Variants in ERG observed in about 807,000 individuals in gnomAD.
ERG encodes the protein transcriptional regulator ERG.
Under a neutral mutation model 55.3 loss-of-function variants are expected in ERG, and 9 were observed. That is an observed-to-expected ratio of 0.16 (90% CI 0.10 to 0.28). ERG has a LOEUF of 0.28. Ranked by LOEUF, ERG falls within the 10% of genes least tolerant of loss-of-function variation. The pLI is 1.00. For synonymous variants in ERG, 223 were observed against 237.3 expected (o/e 0.94, Z 0.55); for missense variants, 434 against 631.6 (o/e 0.69, Z 3.35).
intron 9 of ERG, among the ~76,000 whole-genome samples, chr21:38,388,819 T>C (rs1191560263): frequency 6.6e-6 from 1 of 152,150 alleles, no homozygotes; most frequent in African/African-American, 2.4e-5. Flanking sequence ...CAGGTCCCTC[T>C]ATCTACAAAG....
At chr21:38,617,157 T>C (rs1214287506) in intron 1 of ERG, among the ~76,000 whole-genome samples, 2 of 152,210 alleles carry the variant, frequency 1.3e-5, no homozygotes, top group Non-Finnish European at 1.5e-5. Context: ...TATTCCCTCA[T>C]GAATTTTGAC....
At chr21:38,574,382 T>C (rs962310988) in intron 2 of ERG, among the ~76,000 whole-genome samples, 10 of 152,168 alleles carry the variant, frequency 6.6e-5, no homozygotes, top group African/African-American at 2.4e-4. Flanking sequence ...GAAATCAAAT[T>C]ATAGTGTCCC....
intron 2 of ERG, among the ~76,000 whole-genome samples, chr21:38,506,578 A>C (rs902878552): frequency 1.3e-5 from 2 of 152,162 alleles, no homozygotes; most frequent in African/African-American, 4.8e-5. Flanking sequence ...CTTATTATAC[A>C]TTTACACTGA....
intron 2 of ERG, among the ~76,000 whole-genome samples, chr21:38,573,485 A>G (rs180729892): frequency 2.5e-4 from 38 of 152,348 alleles, no homozygotes; most frequent in South Asian, 6.2e-4. Context: ...AGACATGTTT[A>G]CAGCAATGCT....
chr21:38,604,930 C>T (rs570952363), intron 1 of ERG, among the ~76,000 whole-genome samples: 5 of 152,286 alleles, frequency 3.3e-5, no homozygotes, highest in African/African-American at 9.6e-5. Context: ...TATTATAGGG[C>T]GTATTATTTC....
chr21:38,490,850 CG>C (rs2059329402), intron 1 of ERG, among the ~76,000 whole-genome samples: 2 of 152,344 alleles, frequency 1.3e-5, no homozygotes, highest in East Asian at 1.9e-4. Flanking sequence ...ATCCGTTGCA[CG>C]GAAGATAAGG....
chr21:38,429,279 C>A (rs943686230), intron 2 of ERG, among the ~76,000 whole-genome samples: 2 of 150,912 alleles, frequency 1.3e-5, no homozygotes, highest in East Asian at 3.9e-4. Flanking sequence ...CGCATATATA[C>A]ACATATACCC....
chr21:38,576,872 C>T (rs944386277), intron 1 of ERG, among the ~76,000 whole-genome samples: 3 of 152,162 alleles, frequency 2.0e-5, no homozygotes, highest in East Asian at 3.9e-4. Context: ...AGGGGGACCT[C>T]TCCCGTCATG....
At chr21:38,617,057 C>A (rs988107846) in intron 1 of ERG, among the ~76,000 whole-genome samples, 1 of 152,186 alleles carries the variant, frequency 6.6e-6, no homozygotes, top group Non-Finnish European at 1.5e-5. Context: ...TAGGGAGTTA[C>A]ATCATATGCT....
At chr21:38,371,535 T>C in the ERG span, among the ~76,000 whole-genome samples, 1 of 152,082 alleles carries the variant, frequency 6.6e-6, no homozygotes, top group Non-Finnish European at 1.5e-5. Context: ...TATTATCAAG[T>C]TAAAGAAGTC....
At chr21:38,587,048 T>C (rs1192821241), upstream of ERG, among the ~76,000 whole-genome samples, 4 of 152,226 alleles carry the variant, frequency 2.6e-5, no homozygotes, top group African/African-American at 7.2e-5. Context: ...GAAAGACACA[T>C]ACTGCATCCT....
intron 1 of ERG, among the ~76,000 whole-genome samples, chr21:38,482,545 C>T (rs746848951): frequency 3.9e-5 from 6 of 152,014 alleles, no homozygotes; most frequent in East Asian, 3.9e-4. Context: ...ATCACTATCT[C>T]GTAAAGATAC....
At chr21:38,627,943 CTT>C (rs10650499) in intron 1 of ERG, among the ~76,000 whole-genome samples, 9 of 142,612 alleles carry the variant, frequency 6.3e-5, no homozygotes, top group East Asian at 4.1e-4. Context: ...GTTTTCTCTT[CTT>C]TTTTTTTTTT....
intron 2 of ERG, among the ~76,000 whole-genome samples, chr21:38,433,180 G>A (rs994436895): frequency 6.6e-6 from 1 of 152,198 alleles, no homozygotes; most frequent in Non-Finnish European, 1.5e-5. Context: ...CAGGGTGCAT[G>A]TTTTACACAG....
At chr21:38,633,525 C>T (rs762060301) in intron 1 of ERG, among the ~76,000 whole-genome samples, 6 of 152,148 alleles carry the variant, frequency 3.9e-5, no homozygotes, top group African/African-American at 1.2e-4. Context: ...TCGTTATCAA[C>T]GAATTCACAT....
In ERG at chr21:38,604,126, G is replaced by A. The variant is rs1301663250; in HGVS notation, c.-149-19181C>T. On this transcript the variant is annotated intron_variant, in intron 1 of 10. Transcript: ENST00000398910. ...AAATTAGCTGGGCATGGTAGCGGGCGCCTGTGGTTCCCAGCTATTCGGGAG... is the reference window on the plus strand; with the variant it reads ...AAATTAGCTGGGCATGGTAGCGGGCACCTGTGGTTCCCAGCTATTCGGGAG... Among the ~76,000 whole-genome samples, 8 of 151,642 alleles carry A rather than the reference G, an allele frequency of 5.3e-5. 1 individual carries two copies. The East Asian group carries it at 1.2e-3, about 22-fold the overall frequency.
intron 3 of ERG, 64 bp from the exon 4 acceptor site, chr21:38,403,773 TC>T: frequency 6.7e-7 from 1 of 1,493,506 alleles, no homozygotes; most frequent in Non-Finnish European, 9.3e-7. Flanking sequence ...TTGGGGTAGA[TC>T]CCCATCCACG....
rs1445034854 is a variant in ERG at position 38,429,299 on chromosome 21, C to CATATGTATATATGTACATATACACAT, written c.237-5764_237-5739dup. Reference sequence around the variant, plus strand: ...ATATACACATATACCCACACATATACATATGTATATATGTACATATACACA... The same window carrying CATATGTATATATGTACATATACACAT: ...ATATACACATATACCCACACATATACATATGTATATATGTACATATACACATATATGTATATATGTACATATACACA... On this transcript the variant is annotated intron_variant, in intron 2 of 9. Coordinates refer to ENST00000288319, the MANE Select transcript of ERG (RefSeq NM_182918.4). Among the ~76,000 whole-genome samples the CATATGTATATATGTACATATACACAT allele has an allele frequency of 3.1e-3, 474 of 151,586 alleles. 2 individuals are homozygous for CATATGTATATATGTACATATACACAT. The highest frequency in any genetic ancestry group is 0.011 in the African/African-American group (445 of 41,200).
chr21:38,642,763 T>C (rs1224137075), intron 1 of ERG, among the ~76,000 whole-genome samples: 2 of 152,242 alleles, frequency 1.3e-5, no homozygotes, highest in Admixed American at 1.3e-4. Context: ...CCATTCAGCA[T>C]CATTGGTCAA....
Sources: gnomAD v4.1 joint callset for allele counts (sites outside exome capture counted in the v4.1 genomes callset) on GRCh38, gnomAD v4.1.1 for gene constraint, MANE v1.5 for transcripts, NCBI Gene and HGNC (gene_info 2026-07-23, HGNC 2026-07-21) for gene names.